Variants in TTN observed in about 807,000 individuals in gnomAD.
TTN encodes titin, also known as connectin.
Under a neutral mutation model 3,223.0 loss-of-function variants are expected in TTN, and 1,525 were observed. The observed-to-expected ratio is 0.47, with a 90% CI of 0.45 to 0.49. The LOEUF (loss-of-function observed/expected upper bound fraction) is 0.49. TTN is among the 20% of genes least tolerant of loss of function. The pLI is 0.00. For synonymous variants in TTN, 14,094 were observed against 15,161.0 expected, an observed-to-expected ratio of 0.93 and a Z score of 5.17; for missense variants, 40,786 against 43,424.0, an observed-to-expected ratio of 0.94 and a Z score of 5.40.
chr2:178,698,989 G>C, intron 111 of TTN, 75 bp from the exon 112 acceptor site: 1 of 1,325,532 alleles, frequency 7.5e-7, no homozygotes, highest in Non-Finnish European at 1.0e-6. Context: ...CAGGAAACTA[G>C]GAATTTTATT....
chr2:178,671,888 T>A, intron 155 of TTN, 83 bp downstream of exon 155: 11 of 1,476,482 alleles, frequency 7.5e-6, no homozygotes, highest in Non-Finnish European at 9.1e-6. Flanking sequence ...TTTCTAATCT[T>A]CCAAACTGAA....
chr2:178,639,238 T>C (rs2060908813), intron 223 of TTN, among the ~76,000 whole-genome samples: 1 of 151,956 alleles, frequency 6.6e-6, no homozygotes, highest in African/African-American at 2.4e-5. Flanking sequence ...ATGAAATACA[T>C]TCACAATATT....
At chr2:178,804,358 T>C (rs747747681) in intron 2 of TTN, among the ~76,000 whole-genome samples, 194 bp downstream of exon 2, 1 of 152,216 alleles carries the variant, frequency 6.6e-6, no homozygotes, top group Admixed American at 6.5e-5. Flanking sequence ...ATAAAACATT[T>C]CAAGCCATTA....
rs528892388 is a variant in TTN, at chr2:178,768,750, T to G, written c.9086A>C (p.Asn3029Thr). The G allele has an allele frequency of 2.5e-6, 4 of 1,614,156 alleles. No individual in the cohort carries two copies. Among genetic ancestry groups the G allele is most frequent in the Non-Finnish European group, 2.5e-6 (3 of 1,180,012 alleles). The change falls in exon 38 of 363, where the codon AAT (asparagine) becomes ACT (threonine). Residue 3029 changes from asparagine to threonine, a missense_variant. Physicochemically the swap from Asn to Thr is moderately conservative, Grantham distance 65. Transcript: ENST00000589042. ...KKLTHSLNIRNVHFGDAADYT... is the reference protein window; with the variant it reads ...KKLTHSLNIRTVHFGDAADYT... ...GTCAGCAGCATCCCCAAAGTGAACA[T>G]TCCTGATGTTCAGTGAGTGTGTGAG... is the stretch of plus-strand genomic sequence containing the variant.
rs549301447 is a variant in TTN, at chr2:178,601,045, G to A, written c.55859C>T (p.Ala18620Val). Residue 18620 changes from alanine (A) to valine (V), a missense_variant, in exon 288 of 363, where the codon GCA becomes GTA. Ala to Val is a moderately conservative substitution (Grantham distance 64). Coordinates refer to ENST00000589042, the MANE Select transcript of TTN (RefSeq NM_001267550.2). ...PVTHYIVECL[A>V]WDPTGTKKEA... Reference sequence around the variant, plus strand: ...TTTCTTTGTCCCAGTAGGGTCCCATGCAAGGCACTCAACAATATAGTGGGT... The same window carrying A: ...TTTCTTTGTCCCAGTAGGGTCCCATACAAGGCACTCAACAATATAGTGGGT... The A allele has an allele frequency of 1.9e-6, 3 of 1,612,916 alleles. No homozygotes were observed. The highest frequency in any genetic ancestry group is 2.2e-5 in the South Asian group (2 of 91,006).
In TTN at chr2:178,589,381, T is replaced by C; in HGVS notation, c.62344A>G (p.Lys20782Glu). ...TCAAGCCTAATGGTGTCCCCTGCTT[T>C]GACAGTTAGGACCCCACTTAATTTC... Reference protein sequence around the residue: ...DLKLSGVLTVKAGDTIRLEAG... With the variant: ...DLKLSGVLTVEAGDTIRLEAG... The change falls in exon 304 of 363, where the codon AAA (lysine) becomes GAA (glutamate). Residue 20782 changes from lysine (K) to glutamate (E), a missense_variant. By Grantham distance (56) the Lys-to-Glu change is moderately conservative (BLOSUM62 1). Coordinates refer to ENST00000589042, the MANE Select transcript of TTN (RefSeq NM_001267550.2). The C allele has an allele frequency of 6.2e-7, 1 of 1,613,450 alleles. No homozygotes were observed. Among genetic ancestry groups the C allele is most frequent in the Non-Finnish European group, 8.5e-7 (1 of 1,179,622 alleles).
rs1472358244 is a variant in TTN, at chr2:178,681,728, C to T, written c.33105G>A (p.Lys11035=). 1 of 1,594,566 alleles carries T rather than the reference C, an allele frequency of 6.3e-7. No homozygotes were observed. The highest frequency in any genetic ancestry group is 1.9e-5 in the Admixed American group (1 of 53,998). The change falls in exon 136 of 363, where the codon AAG becomes AAA. Residue 11035 remains lysine, a synonymous_variant. Transcript: ENST00000589042. Reference sequence around the variant, plus strand: ...CTGGGACAGGCTTTACAGGGATAGGCTTCTCTGGTTCTTTAAAAGTACATA... The same window carrying T: ...CTGGGACAGGCTTTACAGGGATAGGTTTCTCTGGTTCTTTAAAAGTACATA... ...EHEEYITEPE[K]PIPVKPVPEE... is the part of the protein sequence containing the mutation.
Position 178,777,517 on chromosome 2 carries a change from A to G in TTN, c.4548T>C (p.Ile1516=). ...AATCACTGGGTGTGGCAGGGACAAT[A>G]ATTAGTGATTGAGTACCATCTTCTT... ...VIKEDGTQSL[I]IVPATPSDSG... The change falls in exon 26 of 363, where the codon ATT becomes ATC. Residue 1516 remains isoleucine (I), a synonymous_variant. Coordinates refer to ENST00000589042, the MANE Select transcript of TTN (RefSeq NM_001267550.2). The G allele has an allele frequency of 6.2e-7, 1 of 1,613,908 alleles. No individual in the cohort carries two copies. Among genetic ancestry groups the G allele is most frequent in the Non-Finnish European group, 8.5e-7 (1 of 1,179,942 alleles).
In TTN at chr2:178,802,228, C is replaced by T. The variant is rs1370693255; in HGVS notation, c.205G>A (p.Ala69Thr). 18 of 1,613,992 alleles carry T rather than the reference C, an allele frequency of 1.1e-5. No homozygotes were observed. The highest frequency in any genetic ancestry group is 6.7e-5 in the African/African-American group (5 of 74,922). ...SDGRAKLTIP[A>T]VTKANSGRYS... ...CGTCCACTGTTGGCTTTAGTCACGGCGGGGATCGTCAGTTTAGCGCGGCCA... is the reference window on the plus strand; with the variant it reads ...CGTCCACTGTTGGCTTTAGTCACGGTGGGGATCGTCAGTTTAGCGCGGCCA... Residue 69 changes from alanine (A) to threonine (T), a missense_variant, in exon 3 of 363, where the codon GCC becomes ACC. Transcript: ENST00000589042.
chr2:178,546,539 A>G, intron 341 of TTN, 37 bp from the exon 342 acceptor site: 1 of 1,597,716 alleles, frequency 6.3e-7, no homozygotes, highest in South Asian at 1.1e-5. Flanking sequence ...TGAATATCTG[A>G]GAGTTTATTT....
Position 178,588,576 on chromosome 2 carries a change from C to A in TTN, c.63149G>T (p.Ser21050Ile). Residue 21050 changes from serine (S) to isoleucine (I), a missense_variant, in exon 304 of 363, where the codon AGC (serine) becomes ATC (isoleucine). Physicochemically the swap from Ser to Ile is moderately radical, Grantham distance 142. Transcript: ENST00000589042. The stretch of plus-strand genomic sequence containing the variant: ...TGCCACCACCGGTCTTGAAGGCAAG[C>A]TTGGTTCTCCAATTCCAATTTCATT... ...AENEIGIGEP[S>I]LPSRPVVAKD... 1.3e-6 allele frequency: 2 copies of A among 1,547,334 alleles called. No homozygotes were observed. The highest frequency in any genetic ancestry group is 2.6e-5 in the South Asian group (2 of 77,014).
At position 178,629,593 on chromosome 2, in the gene TTN, C is replaced by T. The variant is rs146729020; in HGVS notation, c.44282-150G>A. 1.1e-3 allele frequency: 1,294 copies of T among 1,158,746 alleles called. 12 individuals carry two copies. The African/African-American group carries it at 0.016, about 15-fold the overall frequency. The allele number at this position is 1,158,746 out of a possible 1,614,324, so 71.8% of individuals were successfully genotyped here. On this transcript the variant is annotated intron_variant, in intron 239 of 362. Coordinates refer to ENST00000589042, the MANE Select transcript of TTN (RefSeq NM_001267550.2). ...TAACTCCCACGTGAACGTGGCCCCA[C>T]GGCGCTGAGAAGGGGAGAGCTGGTA...
At chr2:178,527,924 A>C (rs1687167866) in intron 361 of TTN, 176 bp from the exon 362 acceptor site, 4 of 586,982 alleles carry the variant, frequency 6.8e-6, no homozygotes, top group Non-Finnish European at 1.1e-5. Flanking sequence ...GAGCTAGCTC[A>C]ATGTCTCCAA....
intron 44 of TTN, 96 bp downstream of exon 44, chr2:178,758,888 C>A (rs2088144152): frequency 7.9e-7 from 1 of 1,273,418 alleles, no homozygotes; most frequent in African/African-American, 1.5e-5. Flanking sequence ...ATGGTAGGAA[C>A]AACAATGATT....
In TTN at chr2:178,802,304, G is replaced by A. The variant is rs1366214123; in HGVS notation, c.129C>T (p.Gly43=). ...GCAGAGTGGAAGTGGAAATCACCTG[G>A]CCATCCCTAAACCAGCTCACCTCAG... The part of the protein sequence containing the change: ...PVPEVSWFRD[G]QVISTSTLPG... Residue 43 remains glycine, a synonymous_variant, in exon 3 of 363, where the codon GGC becomes GGT. Coordinates refer to ENST00000589042, the MANE Select transcript of TTN (RefSeq NM_001267550.2). 3 of 1,614,110 alleles carry A rather than the reference G, an allele frequency of 1.9e-6. No homozygotes were observed. In the Admixed American group the frequency reaches 5.0e-5, roughly 27 times the overall value.
chr2:178,651,272 G>A lies in TTN; in HGVS notation c.39596C>T (p.Pro13199Leu), dbSNP rs760848660. ...TGCTGGTGGGACTTCTGGCTTTTTG[G>A]GAACAGCTACTTTCTTTTCTGGAAC... ...EVVPEKKVAV[P>L]KKPEVPPAKV... Residue 13199 changes from proline (P) to leucine (L), a missense_variant, in exon 208 of 363, where the codon CCC (proline) becomes CTC (leucine). Pro to Leu is a moderately conservative substitution (Grantham distance 98). Coordinates refer to ENST00000589042, the MANE Select transcript of TTN (RefSeq NM_001267550.2). 2.5e-6 allele frequency: 4 copies of A among 1,612,924 alleles called. No homozygotes were observed. The highest frequency in any genetic ancestry group is 1.1e-5 in the South Asian group (1 of 90,994).
rs397517683 is a variant in TTN at position 178,575,951 on chromosome 2, G to A, written c.70181C>T (p.Thr23394Met). 51 of 1,611,452 alleles carry A rather than the reference G, an allele frequency of 3.2e-5. No individual in the cohort carries two copies. The highest frequency in any genetic ancestry group is 6.7e-5 in the East Asian group (3 of 44,788). ...GATAATCAGAAGAGTAAATGATTCCGTATTTTCAATGTTGGCTCGGTTTTT... is the reference window on the plus strand; with the variant it reads ...GATAATCAGAAGAGTAAATGATTCCATATTTTCAATGTTGGCTCGGTTTTT... ...NLKNRANIEN[T>M]ESFTLLIIPE... is the part of the protein sequence containing the mutation. Residue 23394 changes from threonine (T) to methionine (M), a missense_variant, in exon 326 of 363, where the codon ACG becomes ATG. Thr to Met is a moderately conservative substitution (Grantham distance 81). Transcript: ENST00000589042. This position sits in a 1 kb window ranked among gnomAD's most constrained non-coding sequence, Gnocchi z 4.0.
In TTN at chr2:178,557,265, T is replaced by G. The variant is rs1701876010; in HGVS notation, c.87997A>C (p.Ile29333Leu). The change falls in exon 329 of 363, where the codon ATT (isoleucine) becomes CTT (leucine). Residue 29333 changes from isoleucine (I) to leucine (L), a missense_variant. Transcript: ENST00000589042. ...GACAAATACGTACCACAAGCATCAA[T>G]TGCCAAGACTGGTTCAGAAGGATGG... ...PSHPSEPVLA[I>L]DACEPPRNVR... is the part of the protein sequence containing the mutation. 1 of 1,613,756 alleles carries G rather than the reference T, an allele frequency of 6.2e-7. No individual in the cohort carries two copies. Among genetic ancestry groups the G allele is most frequent in the African/African-American group, 1.3e-5 (1 of 74,936 alleles).
Position 178,782,417 on chromosome 2 carries a change from A to G in TTN, c.3175T>C (p.Ser1059Pro). The G allele has an allele frequency of 2.5e-6, 4 of 1,613,968 alleles. No homozygotes were observed. The highest frequency in any genetic ancestry group is 3.4e-6 in the Non-Finnish European group (4 of 1,179,978). The change falls in exon 20 of 363, where the codon TCA (serine) becomes CCA (proline). Residue 1059 changes from serine (S) to proline (P), a missense_variant. Coordinates refer to ENST00000589042, the MANE Select transcript of TTN (RefSeq NM_001267550.2). Reference protein sequence around the residue: ...FTTEEKRFVESRDVVMTDTSL... With the variant: ...FTTEEKRFVEPRDVVMTDTSL... The stretch of plus-strand genomic sequence containing the variant: ...GTATCAGTCATAACCACATCTCTTG[A>G]CTCAACAAAGCTGGAAAGAGAATTC...
Sources: gnomAD v4.1 joint callset for allele counts (sites outside exome capture counted in the v4.1 genomes callset) on GRCh38, gnomAD v4.1.1 for gene constraint, Gnocchi (gnomAD v3.1) non-coding constraint, MANE v1.5 for transcripts, NCBI Gene and HGNC (gene_info 2026-07-23, HGNC 2026-07-21) for gene names.